The following CCDC50 variants were observed in gnomAD, a reference collection of about 807,000 sequenced individuals.
CCDC50 encodes coiled-coil domain-containing protein 50.
CCDC50 carries 54 observed loss-of-function variants against 70.2 expected under a neutral mutation model. That is an observed-to-expected ratio of 0.77 (90% confidence interval 0.62 to 0.96). The LOEUF (loss-of-function observed/expected upper bound fraction) is 0.96, where lower values mean the gene tolerates loss of function less well. Among genes scored for constraint, CCDC50 ranks in the 50% least tolerant of loss-of-function variants. CCDC50 has a pLI of 0.00. For synonymous variants in CCDC50, 216 were observed against 198.8 expected (o/e 1.09, Z -0.73); for missense variants, 558 against 578.7 (o/e 0.96, Z 0.37).
intron 1 of CCDC50, among the ~76,000 whole-genome samples, chr3:191,352,994 C>T (rs755986202): frequency 1.4e-5 from 2 of 140,152 alleles, no homozygotes; most frequent in African/African-American, 2.5e-5. Flanking sequence ...TTTCAATTAA[C>T]GAGCACACAT....
intron 11 of CCDC50, among the ~76,000 whole-genome samples, chr3:191,391,252 C>A (rs1025771361): frequency 6.6e-6 from 1 of 152,130 alleles, no homozygotes; most frequent in Non-Finnish European, 1.5e-5. Flanking sequence ...TTTAAAAATA[C>A]CATCGCAAAA....
intron 1 of CCDC50, among the ~76,000 whole-genome samples, chr3:191,346,296 G>A (rs371250017): frequency 9.2e-5 from 14 of 152,220 alleles, no homozygotes; most frequent in Admixed American, 1.3e-4. Context: ...TATCAGATTC[G>A]CCTTCATGGA....
chr3:191,370,262 GTGCAGGTT>G (rs1484172016), intron 5 of CCDC50: 2 of 405,976 alleles, frequency 4.9e-6, no homozygotes, highest in Non-Finnish European at 9.4e-6. Flanking sequence ...TGTGCACAAC[GTGCAGGTT>G]TGTTACATAT....
At chr3:191,370,486 GTT>G (rs11328862) in intron 5 of CCDC50, among the ~76,000 whole-genome samples, 3 of 139,974 alleles carry the variant, frequency 2.1e-5, no homozygotes. Context: ...TTGTTTTTTT[GTT>G]TTTTTTTTTG....
chr3:191,354,083 A>C (rs147133409), intron 1 of CCDC50, among the ~76,000 whole-genome samples: 8 of 152,192 alleles, frequency 5.3e-5, no homozygotes, highest in Non-Finnish European at 1.2e-4. Context: ...ATGGTTTAGC[A>C]ATATGTGCTG....
intron 5 of CCDC50, among the ~76,000 whole-genome samples, chr3:191,370,777 C>T (rs9839989): frequency 0.19 from 29,194 of 152,106 alleles, 3,232 homozygotes; most frequent in Non-Finnish European, 0.24. Flanking sequence ...ATGTGAGCCA[C>T]CGCGCCCGGC....
At chr3:191,339,571 T>G (rs778750859) in intron 1 of CCDC50, among the ~76,000 whole-genome samples, 1 of 152,184 alleles carries the variant, frequency 6.6e-6, no homozygotes, top group South Asian at 2.1e-4. Flanking sequence ...GTAGCAATCA[T>G]AGAGAAATCT....
At chr3:191,370,357 CT>C (rs1383765846) in intron 5 of CCDC50, 3 of 298,884 alleles carry the variant, frequency 1.0e-5, no homozygotes, top group Non-Finnish European at 1.9e-5. Context: ...AATGCTATCC[CT>C]CCCCCCTCCC....
At chr3:191,360,596 T>G (rs2108651003) in intron 3 of CCDC50, among the ~76,000 whole-genome samples, 1 of 152,282 alleles carries the variant, frequency 6.6e-6, no homozygotes. Context: ...CTGAGTAGAT[T>G]TTTGTTTATT....
intron 1 of CCDC50, among the ~76,000 whole-genome samples, chr3:191,329,955 GGC>G (rs1717905337): frequency 8.8e-6 from 1 of 113,274 alleles, no homozygotes; most frequent in Non-Finnish European, 1.9e-5. Context: ...GGGGGGGGGG[GGC>G]TAGCAGCAGC....
At chr3:191,377,026 C>G (rs986984008) in intron 6 of CCDC50, among the ~76,000 whole-genome samples, 2 of 152,140 alleles carry the variant, frequency 1.3e-5, no homozygotes, top group South Asian at 2.1e-4. Context: ...TAAACGCTGA[C>G]TCACAGGCTC....
chr3:191,332,666 A>G (rs922461916), intron 1 of CCDC50, among the ~76,000 whole-genome samples: 3 of 152,254 alleles, frequency 2.0e-5, no homozygotes, highest in African/African-American at 7.2e-5. Flanking sequence ...TGGAGTTCAG[A>G]GCTGGAAACA....
Position 191,339,761 on chromosome 3 carries a change from A to C in CCDC50, c.49+10038A>C, listed in dbSNP as rs143518427. On this transcript the variant is annotated intron_variant, in intron 1 of 11. Coordinates refer to ENST00000392455, the MANE Select transcript of CCDC50 (RefSeq NM_178335.3). ...CACTGGACAGTTAGTGACTGATAACATGGTCTCCATTTACTCTGATACTGA... is the reference window on the plus strand; with the variant it reads ...CACTGGACAGTTAGTGACTGATAACCTGGTCTCCATTTACTCTGATACTGA... 4.6e-5 allele frequency among the ~76,000 whole-genome samples: 7 copies of C among 152,352 alleles called. No homozygotes were observed. The East Asian group carries it at 1.3e-3, about 29-fold the overall frequency.
intron 1 of CCDC50, among the ~76,000 whole-genome samples, chr3:191,337,464 C>T (rs1293241480): frequency 2.0e-5 from 3 of 151,874 alleles, no homozygotes; most frequent in Non-Finnish European, 4.4e-5. Flanking sequence ...CCTGCCTCAG[C>T]CTCCCGAGTA....
intron 1 of CCDC50, among the ~76,000 whole-genome samples, chr3:191,353,472 C>T (rs1712170398): frequency 7.1e-6 from 1 of 140,908 alleles, no homozygotes; most frequent in Non-Finnish European, 1.6e-5. Context: ...TGAGTGTATG[C>T]CGTTTATCCT....
chr3:191,371,214 C>T (rs1276130274), intron 5 of CCDC50, among the ~76,000 whole-genome samples: 1 of 151,852 alleles, frequency 6.6e-6, no homozygotes, highest in African/African-American at 2.4e-5. Flanking sequence ...GGGATGATTC[C>T]CTCAGTTTCG....
At chr3:191,331,630 T>C (rs1002507075) in intron 1 of CCDC50, among the ~76,000 whole-genome samples, 1 of 152,212 alleles carries the variant, frequency 6.6e-6, no homozygotes, top group Non-Finnish European at 1.5e-5. Context: ...TTTGTAAACA[T>C]CTGACTTTTC....
Position 191,391,932 on chromosome 3 carries a change from C to G in CCDC50, c.*172C>G, listed in dbSNP as rs1713709846. ...ATTCATTTCAAATGTTTTGGTTATT[C>G]ATGATCACTTGGGCAGTATAAGAAA... is the stretch of plus-strand genomic sequence containing the variant. On this transcript the variant is annotated 3_prime_UTR_variant, in exon 12 of 12. Coordinates refer to ENST00000392455, the MANE Select transcript of CCDC50 (RefSeq NM_178335.3). The G allele has an allele frequency of 6.0e-6, 4 of 666,384 alleles. No individual in the cohort carries two copies. The highest frequency in any genetic ancestry group is 1.0e-5 in the Non-Finnish European group (4 of 381,602). 41.3% of individuals were successfully genotyped at this position (666,384 alleles called of 1,614,324 possible).
At chr3:191,338,056 A>G (rs4677724) in intron 1 of CCDC50, among the ~76,000 whole-genome samples, 9,073 of 152,088 alleles carry the variant, frequency 0.06, 480 homozygotes, top group East Asian at 0.25. Context: ...TGTTTTTCCA[A>G]TGAGTCATAA....
Sources: allele counts gnomAD v4.1 joint callset (sites outside exome capture counted in the v4.1 genomes callset), GRCh38; gene constraint gnomAD v4.1.1; transcripts MANE v1.5; gene names NCBI Gene and HGNC (gene_info 2026-07-23, HGNC 2026-07-21).